The following GFOD2 variants were observed in gnomAD, a reference collection of about 807,000 sequenced individuals.
GFOD2 encodes the protein glucose-fructose oxidoreductase domain-containing protein 2.
In GFOD2, 9 loss-of-function variants were observed where a neutral mutation model predicts 24.6. The observed-to-expected ratio is 0.37, with a 90% CI of 0.22 to 0.64. The LOEUF (loss-of-function observed/expected upper bound fraction) is 0.64, where lower values mean the gene tolerates loss of function less well. Among genes scored for constraint, GFOD2 ranks in the 30% least tolerant of loss-of-function variants. The pLI, the probability that GFOD2 is intolerant of heterozygous loss-of-function variation, is 0.65. For missense variants in GFOD2, 476 were observed against 532.5 expected (o/e 0.89, Z 1.04); for synonymous variants, 211 against 224.8 (o/e 0.94, Z 0.55).
intron 1 of GFOD2, among the ~76,000 whole-genome samples, chr16:67,686,601 G>A (rs547184137): frequency 2.6e-4 from 39 of 152,130 alleles, no homozygotes; most frequent in Middle Eastern, 6.8e-3. Context: ...AGGCCAAGGC[G>A]GGCGGATCAC....
chr16:67,688,054 C>G (rs1229472335), intron 1 of GFOD2, among the ~76,000 whole-genome samples: 1 of 152,132 alleles, frequency 6.6e-6, no homozygotes, highest in Non-Finnish European at 1.5e-5. Context: ...GGGAGACAAT[C>G]TAGATGTCCA....
intron 2 of GFOD2, among the ~76,000 whole-genome samples, chr16:67,679,495 C>T (rs577986572): frequency 4.6e-5 from 7 of 152,108 alleles, no homozygotes; most frequent in South Asian, 4.1e-4. Flanking sequence ...TTTGGCCTCC[C>T]GAAGTGCTGG....
intron 1 of GFOD2, among the ~76,000 whole-genome samples, chr16:67,715,522 G>C (rs2053500536): frequency 6.6e-6 from 1 of 152,066 alleles, no homozygotes. Context: ...GTTTTTCTCA[G>C]TATCTCCTAC....
Position 67,708,863 on chromosome 16 carries a change from AT to A in GFOD2, c.-88+10299del, listed in dbSNP as rs1409603451. On this transcript the variant is annotated intron_variant, in intron 1 of 2. Transcript: ENST00000268797. Reference sequence around the variant, plus strand: ...AGACCCATACTGTAGAATTCCCTTTATTTGAAATGCAAATAAGACTCATTTG... The same window carrying A: ...AGACCCATACTGTAGAATTCCCTTTATTGAAATGCAAATAAGACTCATTTG... 2.0e-4 allele frequency among the ~76,000 whole-genome samples: 31 copies of A among 152,268 alleles called. 1 individual carries two copies. Among genetic ancestry groups the A allele is most frequent in the African/African-American group, 7.0e-4 (29 of 41,552 alleles).
At chr16:67,683,819 T>C (rs1376589244) in intron 2 of GFOD2, 2 of 1,222,020 alleles carry the variant, frequency 1.6e-6, no homozygotes, top group Non-Finnish European at 2.0e-6. Flanking sequence ...TGGCACCGGT[T>C]CCTCGACCTA....
At chr16:67,687,283 C>T (rs997729214) in intron 1 of GFOD2, among the ~76,000 whole-genome samples, 14 of 151,634 alleles carry the variant, frequency 9.2e-5, no homozygotes, top group Admixed American at 9.2e-4. Context: ...AAAATGCTCA[C>T]TAGAAAAAAA....
chr16:67,683,898 G>A (rs1342874715), intron 2 of GFOD2: 12 of 1,134,648 alleles, frequency 1.1e-5, no homozygotes, highest in South Asian at 4.4e-5. Flanking sequence ...ACTCAGTCAA[G>A]TAAGTATGTG....
At chr16:67,686,652 A>G (rs1172824300) in intron 1 of GFOD2, among the ~76,000 whole-genome samples, 3 of 150,912 alleles carry the variant, frequency 2.0e-5, no homozygotes, top group Non-Finnish European at 4.4e-5. Context: ...CAACATGGCC[A>G]AACCCCATCT....
intron 1 of GFOD2, among the ~76,000 whole-genome samples, chr16:67,710,238 G>A (rs998572242): frequency 1.3e-5 from 2 of 152,036 alleles, no homozygotes; most frequent in Non-Finnish European, 1.5e-5. Context: ...TGATCCTCCT[G>A]CCTAGGCCTC....
chr16:67,703,442 A>C (rs1448694160), intron 1 of GFOD2, among the ~76,000 whole-genome samples: 2 of 152,140 alleles, frequency 1.3e-5, no homozygotes, highest in Non-Finnish European at 2.9e-5. Flanking sequence ...AGGAAAAAAA[A>C]ACCCTGTATT....
intron 2 of GFOD2, 126 bp downstream of exon 2, chr16:67,685,331 G>A (rs1473680616): frequency 2.0e-6 from 3 of 1,502,858 alleles, no homozygotes; most frequent in African/African-American, 2.8e-5. Flanking sequence ...GACAAGTGAT[G>A]TCCCAGAGTT....
At chr16:67,690,685 T>G (rs1250298955) in intron 1 of GFOD2, among the ~76,000 whole-genome samples, 1 of 152,210 alleles carries the variant, frequency 6.6e-6, no homozygotes, top group African/African-American at 2.4e-5. Context: ...ATGTCCTGTT[T>G]GTTATATGTA....
intron 2 of GFOD2, chr16:67,685,096 A>G: frequency 1.6e-6 from 2 of 1,243,870 alleles, no homozygotes; most frequent in Non-Finnish European, 2.0e-6. Context: ...TGTGTGCCCC[A>G]GAAATGGGAG....
intron 1 of GFOD2, among the ~76,000 whole-genome samples, chr16:67,693,640 A>G (rs984929802): frequency 2.6e-5 from 4 of 152,216 alleles, no homozygotes; most frequent in Admixed American, 6.5e-5. Flanking sequence ...TTTTAGGTGT[A>G]CAGTTCAGTG....
chr16:67,708,083 G>C (rs768339921), intron 1 of GFOD2, among the ~76,000 whole-genome samples: 4 of 152,054 alleles, frequency 2.6e-5, no homozygotes, highest in Non-Finnish European at 5.9e-5. Context: ...TTGGTGCTTG[G>C]GTTACATGGT....
At chr16:67,711,604 C>T (rs544873761) in intron 1 of GFOD2, among the ~76,000 whole-genome samples, 1 of 152,312 alleles carries the variant, frequency 6.6e-6, no homozygotes, top group African/African-American at 2.4e-5. Flanking sequence ...AAACAACCGC[C>T]TATTAACATC....
rs2053261992 is a variant in GFOD2, at chr16:67,685,741, TCTC to T, written c.-29_-27del. ...CCCAGCCTCTCTCTTTACCAACTCA[TCTC>T]CTCACAAGAGCCTCTGGCATGGATA... is the stretch of plus-strand genomic sequence containing the variant. On this transcript the variant is annotated 5_prime_UTR_variant, in exon 2 of 3. Coordinates refer to ENST00000268797, the MANE Select transcript of GFOD2 (RefSeq NM_030819.4). 1 of 1,598,126 alleles carries T rather than the reference TCTC, an allele frequency of 6.3e-7. No homozygotes were observed. The highest frequency in any genetic ancestry group is 1.1e-5 in the South Asian group (1 of 90,256).
At chr16:67,689,167 T>C (rs115315623) in intron 1 of GFOD2, among the ~76,000 whole-genome samples, 7,091 of 151,458 alleles carry the variant, frequency 0.047, 463 homozygotes, top group African/African-American at 0.15. Context: ...AGCCACATGA[T>C]AGCTGGGATT....
intron 2 of GFOD2, chr16:67,681,873 G>C (rs1474646393): frequency 2.0e-6 from 2 of 985,168 alleles, no homozygotes; most frequent in African/African-American, 1.7e-5. Context: ...AGGAAGTCAA[G>C]GGAGAGATTG....
Sources: allele counts gnomAD v4.1 joint callset (sites outside exome capture counted in the v4.1 genomes callset), GRCh38; gene constraint gnomAD v4.1.1; transcripts MANE v1.5; gene names NCBI Gene and HGNC (gene_info 2026-07-23, HGNC 2026-07-21).